TTC28: variants seen among roughly 807,000 people sequenced by gnomAD.
TTC28 encodes tetratricopeptide repeat protein 28.
A neutral mutation model predicts 198.0 loss-of-function variants in TTC28; 61 were observed. The observed-to-expected ratio is 0.31, with a 90% CI of 0.25 to 0.38. The LOEUF is 0.38. TTC28 is among the 10% of genes least tolerant of loss of function. TTC28 has a pLI of 1.00. For synonymous variants in TTC28, 1,171 were observed against 1,297.8 expected, an observed-to-expected ratio of 0.90 and a Z score of 2.10; for missense variants, 2,678 against 3,164.0, an observed-to-expected ratio of 0.85 and a Z score of 3.69.
intron 5 of TTC28, among the ~76,000 whole-genome samples, chr22:28,220,580 C>T (rs1417473448): frequency 6.6e-6 from 1 of 152,208 alleles, no homozygotes; most frequent in African/African-American, 2.4e-5. Context: ...AGTTCTTTGC[C>T]ACATGGGGTT....
At chr22:28,302,675 T>G (rs978982261) in intron 3 of TTC28, among the ~76,000 whole-genome samples, 2 of 152,016 alleles carry the variant, frequency 1.3e-5, no homozygotes, top group Non-Finnish European at 2.9e-5. Context: ...TTGGTTTTTG[T>G]TTTTTGTTTT....
rs376242342 is a variant in TTC28, at chr22:28,383,418, C to T, written c.382-76775G>A. On this transcript the variant is annotated intron_variant, in intron 2 of 22. Transcript: ENST00000397906. ...TTTGTGATTTCAGGGTAACTGGCTACGGTTATAATATACATCTCACAAATT... is the reference window on the plus strand; with the variant it reads ...TTTGTGATTTCAGGGTAACTGGCTATGGTTATAATATACATCTCACAAATT... Among the ~76,000 whole-genome samples the T allele has an allele frequency of 1.2e-4, 19 of 152,242 alleles. No individual in the cohort carries two copies. In the East Asian group the frequency reaches 1.7e-3, roughly 14 times the overall value.
At chr22:28,034,040 G>A (rs1266203416) in intron 12 of TTC28, among the ~76,000 whole-genome samples, 1 of 152,164 alleles carries the variant, frequency 6.6e-6, no homozygotes, top group Non-Finnish European at 1.5e-5. Flanking sequence ...AGAGGAGAAG[G>A]GAATGAAATA....
chr22:28,590,185 C>A (rs1487434746), intron 2 of TTC28, among the ~76,000 whole-genome samples: 1 of 146,328 alleles, frequency 6.8e-6, no homozygotes, highest in Non-Finnish European at 1.5e-5. Flanking sequence ...TGGAGTGCAG[C>A]GGCGCAATCT....
At chr22:28,595,726 C>T (rs2050528793) in intron 2 of TTC28, among the ~76,000 whole-genome samples, 1 of 152,166 alleles carries the variant, frequency 6.6e-6, no homozygotes, top group Non-Finnish European at 1.5e-5. Context: ...GAGATCCAGA[C>T]CATCCTGGCC....
chr22:28,502,068 C>A (rs1568983319), intron 2 of TTC28, among the ~76,000 whole-genome samples: 1 of 152,132 alleles, frequency 6.6e-6, no homozygotes, highest in Non-Finnish European at 1.5e-5. Flanking sequence ...ATATATGACT[C>A]TCATACATAT....
intron 1 of TTC28, among the ~76,000 whole-genome samples, chr22:28,660,523 T>A (rs2051725730): frequency 1.3e-5 from 2 of 151,030 alleles, no homozygotes; most frequent in African/African-American, 4.9e-5. Context: ...TTGATTTGGT[T>A]TGGTTTGGTT....
Position 28,484,906 on chromosome 22 carries a change from T to C in TTC28, c.381+144646A>G, listed in dbSNP as rs182443414. On this transcript the variant is annotated intron_variant, in intron 2 of 22. Coordinates refer to ENST00000397906, the MANE Select transcript of TTC28 (RefSeq NM_001145418.2). ...TTGACACAAAGTACACCAAATAGCATAGCATCTGTAAATCTCCCTAATGAA... is the reference window on the plus strand; with the variant it reads ...TTGACACAAAGTACACCAAATAGCACAGCATCTGTAAATCTCCCTAATGAA... Among the ~76,000 whole-genome samples, 21 of 152,302 alleles carry C rather than the reference T, an allele frequency of 1.4e-4. No individual in the cohort carries two copies. In the Middle Eastern group the frequency reaches 0.01, roughly 74 times the overall value.
At chr22:27,991,536 C>T (rs5752677) in intron 19 of TTC28, among the ~76,000 whole-genome samples, 1 of 152,198 alleles carries the variant, frequency 6.6e-6, no homozygotes, top group Non-Finnish European at 1.5e-5. Context: ...GTTTCAGAGG[C>T]TAATAGTAGA....
intron 2 of TTC28, among the ~76,000 whole-genome samples, chr22:28,462,696 T>C (rs909599264): frequency 1.3e-5 from 2 of 152,100 alleles, no homozygotes; most frequent in Non-Finnish European, 2.9e-5. Context: ...GTAATAAAAA[T>C]TGAGAATACC....
chr22:27,988,094 G>A (rs901587404), intron 21 of TTC28, among the ~76,000 whole-genome samples: 1 of 152,052 alleles, frequency 6.6e-6, no homozygotes, highest in African/African-American at 2.4e-5. Context: ...AATGCAACCT[G>A]TAAAGGATGC....
At chr22:28,636,640 T>C (rs920391912) in intron 1 of TTC28, among the ~76,000 whole-genome samples, 2 of 152,144 alleles carry the variant, frequency 1.3e-5, no homozygotes, top group African/African-American at 4.8e-5. Context: ...TTGAGCAGCT[T>C]TTCACACCCC....
Position 28,424,479 on chromosome 22 carries a change from T to C in TTC28, c.382-117836A>G, listed in dbSNP as rs1312338588. ...TATTATAATTAAATATTAATATATGTTTCCTAACTATACTCTGACAGAGAT... is the reference window on the plus strand; with the variant it reads ...TATTATAATTAAATATTAATATATGCTTCCTAACTATACTCTGACAGAGAT... On this transcript the variant is annotated intron_variant, in intron 2 of 22. Transcript: ENST00000397906. Among the ~76,000 whole-genome samples the C allele has an allele frequency of 1.7e-4, 26 of 152,206 alleles. 1 individual carries two copies. Among genetic ancestry groups the C allele is most frequent in the Admixed American group, 1.7e-3 (26 of 15,274 alleles).
intron 5 of TTC28, among the ~76,000 whole-genome samples, chr22:28,242,921 G>C (rs1290988496): frequency 6.6e-6 from 1 of 151,518 alleles, no homozygotes; most frequent in Non-Finnish European, 1.5e-5. Flanking sequence ...GAATGGTGCT[G>C]ATGTGCAAAC....
At chr22:28,244,548 TTAAC>T (rs1231572515) in intron 5 of TTC28, among the ~76,000 whole-genome samples, 1 of 152,190 alleles carries the variant, frequency 6.6e-6, no homozygotes, top group Non-Finnish European at 1.5e-5. Context: ...CTTGAATGAC[TTAAC>T]TGACTTCAGA....
chr22:28,115,440 G>T (rs1278195311), intron 6 of TTC28, among the ~76,000 whole-genome samples: 1 of 152,182 alleles, frequency 6.6e-6, no homozygotes, highest in Non-Finnish European at 1.5e-5. Context: ...TTTGCATCAT[G>T]TGCCAATTTC....
chr22:28,622,632 G>A (rs546816160), intron 2 of TTC28, among the ~76,000 whole-genome samples: 2 of 152,128 alleles, frequency 1.3e-5, no homozygotes, highest in South Asian at 4.1e-4. Flanking sequence ...AAAAATAAAT[G>A]AAGAAAAAAG....
chr22:28,105,964 A>G (rs1487819173), intron 7 of TTC28, among the ~76,000 whole-genome samples, 162 bp from the exon 8 acceptor site: 2 of 152,222 alleles, frequency 1.3e-5, no homozygotes, highest in African/African-American at 4.8e-5. Context: ...AGTGAGATGC[A>G]GAGGAATTTC....
At chr22:28,564,160 T>C (rs1215939438) in intron 2 of TTC28, among the ~76,000 whole-genome samples, 2 of 152,160 alleles carry the variant, frequency 1.3e-5, no homozygotes, top group African/African-American at 4.8e-5. Flanking sequence ...GCTTAATGCA[T>C]ATGGGACTTC....
Sources: allele counts gnomAD v4.1 joint callset (sites outside exome capture counted in the v4.1 genomes callset), GRCh38; gene constraint gnomAD v4.1.1; transcripts MANE v1.5; gene names NCBI Gene and HGNC (gene_info 2026-07-23, HGNC 2026-07-21).